Variants in SSBP2 observed in about 807,000 individuals in gnomAD.
The protein encoded by SSBP2 is single-stranded DNA-binding protein 2.
SSBP2 carries 17 observed loss-of-function variants against 61.8 expected under a neutral mutation model. That is an observed-to-expected ratio of 0.28 (90% CI 0.19 to 0.41). The LOEUF is 0.41. SSBP2 is among the 10% of genes least tolerant of loss of function. SSBP2 has a pLI of 1.00. For synonymous variants in SSBP2, 139 were observed against 141.3 expected (o/e 0.98, Z 0.12); for missense variants, 310 against 458.7 (o/e 0.68, Z 2.96).
chr5:81,576,409 T>C (rs1304615848), intron 4 of SSBP2, among the ~76,000 whole-genome samples: 1 of 152,134 alleles, frequency 6.6e-6, no homozygotes, highest in South Asian at 2.1e-4. Flanking sequence ...TATAAACTCA[T>C]TAAATTCTCT....
Position 81,729,414 on chromosome 5 carries a change from T to A in SSBP2, c.62+21567A>T, listed in dbSNP as rs146926315. Among the ~76,000 whole-genome samples the A allele has an allele frequency of 1.9e-4, 29 of 152,318 alleles. No homozygotes were observed. The East Asian group carries it at 4.6e-3, about 24-fold the overall frequency. On this transcript the variant is annotated intron_variant, in intron 1 of 16. Coordinates refer to ENST00000320672, the MANE Select transcript of SSBP2 (RefSeq NM_012446.5). The stretch of plus-strand genomic sequence containing the variant: ...AGCAATTAGAAATAGGAACTGGATA[T>A]ACACACAGCAAAATGGGTAGGTCTA...
At position 81,416,383 on chromosome 5, in the gene SSBP2, A is replaced by G. The variant is rs185752992; in HGVS notation, c.*4121T>C. The stretch of plus-strand genomic sequence containing the variant: ...TATTTCTCCTGGGAAAACTACTCTT[A>G]GTACTATACACTATATGCAGATGAA... On this transcript the variant is annotated 3_prime_UTR_variant, in exon 17 of 17. Transcript: ENST00000320672. 49 of 152,350 alleles carry G rather than the reference A, an allele frequency of 3.2e-4. No individual in the cohort carries two copies. Among genetic ancestry groups the G allele is most frequent in the African/African-American group, 1.2e-3 (49 of 41,564 alleles). 9.4% of individuals were successfully genotyped at this position (152,350 alleles called of 1,614,324 possible).
chr5:81,678,465 A>G lies in SSBP2; in HGVS notation c.63-28126T>C, dbSNP rs562954652. 2.2e-4 allele frequency among the ~76,000 whole-genome samples: 34 copies of G among 152,270 alleles called. 1 individual carries two copies. Among genetic ancestry groups the G allele is most frequent in the South Asian group, 1.4e-3 (7 of 4,832 alleles). On this transcript the variant is annotated intron_variant, in intron 1 of 16. Coordinates refer to ENST00000320672, the MANE Select transcript of SSBP2 (RefSeq NM_012446.5). ...TTAACATACATGTAATGAAAAAAGC[A>G]GTAGGAAAGGAAAGAGAAAAAGGAA...
At chr5:81,432,095 T>C (rs529010764) in intron 15 of SSBP2, among the ~76,000 whole-genome samples, 7 of 152,254 alleles carry the variant, frequency 4.6e-5, no homozygotes, top group Non-Finnish European at 1.0e-4. Context: ...TCTCACAGGC[T>C]GCCAATAGTG....
intron 5 of SSBP2, among the ~76,000 whole-genome samples, chr5:81,512,358 C>CTAGGGATAT (rs1768677431): frequency 6.6e-6 from 1 of 152,140 alleles, no homozygotes; most frequent in African/African-American, 2.4e-5. Context: ...TATTTTACAT[C>CTAGGGATAT]TAGGGATATT....
chr5:81,625,456 G>A (rs976831534), intron 3 of SSBP2, among the ~76,000 whole-genome samples: 1 of 151,870 alleles, frequency 6.6e-6, no homozygotes. Context: ...AAATGTAATG[G>A]GTTCATCATC....
At chr5:81,461,346 G>A (rs921928270) in intron 9 of SSBP2, among the ~76,000 whole-genome samples, 3 of 151,744 alleles carry the variant, frequency 2.0e-5, no homozygotes, top group African/African-American at 4.8e-5. Context: ...AATATTAAAT[G>A]GTTATTGTTA....
intron 6 of SSBP2, among the ~76,000 whole-genome samples, chr5:81,480,430 T>A (rs1765900787): frequency 6.6e-6 from 1 of 152,236 alleles, no homozygotes; most frequent in African/African-American, 2.4e-5. Context: ...AAACACAATG[T>A]ATATACCTGA....
At chr5:81,512,607 T>C (rs539258279) in intron 5 of SSBP2, among the ~76,000 whole-genome samples, 4 of 152,238 alleles carry the variant, frequency 2.6e-5, no homozygotes, top group African/African-American at 9.6e-5. Flanking sequence ...AATAAGCATG[T>C]CCTAAAGGAC....
chr5:81,632,874 G>T, intron 3 of SSBP2, among the ~76,000 whole-genome samples: 1 of 152,042 alleles, frequency 6.6e-6, no homozygotes. Context: ...TACCTTCACA[G>T]TCACTTCTGA....
intron 10 of SSBP2, among the ~76,000 whole-genome samples, chr5:81,454,350 A>AGTAG (rs961185932): frequency 8.5e-5 from 13 of 152,232 alleles, no homozygotes; most frequent in Non-Finnish European, 1.5e-4. Flanking sequence ...AGAGTGAATG[A>AGTAG]GTAGGATATG....
At chr5:81,605,365 T>C (rs1227686775) in intron 4 of SSBP2, among the ~76,000 whole-genome samples, 1 of 152,172 alleles carries the variant, frequency 6.6e-6, no homozygotes, top group Non-Finnish European at 1.5e-5. Context: ...TTAAAAGGGC[T>C]ACACAGGAAT....
intron 15 of SSBP2, among the ~76,000 whole-genome samples, chr5:81,433,422 G>A (rs1257046747): frequency 1.3e-5 from 2 of 151,894 alleles, no homozygotes; most frequent in South Asian, 2.1e-4. Flanking sequence ...TGCTCGTTAA[G>A]AGTCATCACC....
chr5:81,732,079 A>G (rs981272303), intron 1 of SSBP2, among the ~76,000 whole-genome samples: 1 of 152,060 alleles, frequency 6.6e-6, no homozygotes, highest in African/African-American at 2.4e-5. Context: ...TCTTAATAGT[A>G]ATCCTAGAAA....
At chr5:81,656,293 G>A (rs971933546) in intron 1 of SSBP2, among the ~76,000 whole-genome samples, 7 of 151,900 alleles carry the variant, frequency 4.6e-5, no homozygotes, top group African/African-American at 1.5e-4. Context: ...CTGGTAATCC[G>A]CCCACCTCAG....
At chr5:81,591,809 C>T (rs1258566060) in intron 4 of SSBP2, among the ~76,000 whole-genome samples, 1 of 152,076 alleles carries the variant, frequency 6.6e-6, no homozygotes, top group African/African-American at 2.4e-5. Context: ...TAGCAAACAG[C>T]CTAACATAAT....
At chr5:81,680,267 A>T (rs2153812099) in intron 1 of SSBP2, among the ~76,000 whole-genome samples, 1 of 149,694 alleles carries the variant, frequency 6.7e-6, no homozygotes, top group Non-Finnish European at 1.5e-5. Context: ...ATCCCTCATA[A>T]TAATAAATAT....
At chr5:81,455,747 T>C (rs1764102350) in intron 10 of SSBP2, among the ~76,000 whole-genome samples, 1 of 150,872 alleles carries the variant, frequency 6.6e-6, no homozygotes, top group African/African-American at 2.4e-5. Flanking sequence ...TAAGCAAAAT[T>C]AGAGGATTAG....
intron 9 of SSBP2, among the ~76,000 whole-genome samples, chr5:81,466,543 T>C (rs1764903224): frequency 1.3e-5 from 2 of 152,004 alleles, no homozygotes; most frequent in Admixed American, 6.6e-5. Flanking sequence ...ACTCCACTCA[T>C]AGAATCACTA....
Sources: gnomAD v4.1 joint callset for allele counts (sites outside exome capture counted in the v4.1 genomes callset) on GRCh38, gnomAD v4.1.1 for gene constraint, MANE v1.5 for transcripts, NCBI Gene and HGNC (gene_info 2026-07-23, HGNC 2026-07-21) for gene names.